ARHGEF10: variants seen among roughly 807,000 people sequenced by gnomAD.
ARHGEF10 encodes the protein Rho guanine nucleotide exchange factor (GEF) 10.
In ARHGEF10, 140 loss-of-function variants were observed where a neutral mutation model predicts 147.4. That is an observed-to-expected ratio of 0.95 (90% confidence interval 0.83 to 1.09). The LOEUF (loss-of-function observed/expected upper bound fraction) is 1.09. ARHGEF10 is among the 50% of genes least tolerant of loss of function. The pLI is 0.00. For synonymous variants in ARHGEF10, 902 were observed against 695.8 expected (o/e 1.30, Z -4.67); for missense variants, 2,222 against 1,752.7 (o/e 1.27, Z -4.78).
At chr8:1,940,751 C>T (rs1027129549) in intron 26 of ARHGEF10, among the ~76,000 whole-genome samples, 8 of 152,202 alleles carry the variant, frequency 5.3e-5, no homozygotes, top group South Asian at 2.1e-4. Flanking sequence ...AAATCAACAG[C>T]GTACTGAAAG....
intron 7 of ARHGEF10, among the ~76,000 whole-genome samples, chr8:1,874,017 C>T (rs1181994208): frequency 6.6e-6 from 1 of 152,248 alleles, no homozygotes; most frequent in Non-Finnish European, 1.5e-5. Flanking sequence ...ACAAGATTGT[C>T]ATCGAGGACA....
chr8:1,921,288 T>C (rs1812268869), intron 18 of ARHGEF10, among the ~76,000 whole-genome samples: 1 of 152,250 alleles, frequency 6.6e-6, no homozygotes, highest in African/African-American at 2.4e-5. Context: ...ATCTGAAATC[T>C]TTTTATTGGA....
chr8:1,946,668 A>G (rs1298947213), intron 27 of ARHGEF10, among the ~76,000 whole-genome samples: 1 of 152,144 alleles, frequency 6.6e-6, no homozygotes, highest in Non-Finnish European at 1.5e-5. Context: ...TTCAACATCG[A>G]AATCTGGGGA....
chr8:1,833,075 C>G (rs1475974949), intron 1 of ARHGEF10, among the ~76,000 whole-genome samples: 3 of 668 alleles, frequency 4.5e-3, no homozygotes, highest in Non-Finnish European at 4.8e-3. Context: ...GAGACAGAGG[C>G]AGAGAGACAG....
chr8:1,890,632 TGCA>T (rs1563242265), intron 11 of ARHGEF10, among the ~76,000 whole-genome samples: 1 of 149,754 alleles, frequency 6.7e-6, no homozygotes, highest in African/African-American at 2.5e-5. Flanking sequence ...AGACACTGAG[TGCA>T]GTGAGGGTTG....
intron 11 of ARHGEF10, among the ~76,000 whole-genome samples, chr8:1,893,284 A>G (rs1039670866): frequency 1.3e-5 from 2 of 152,188 alleles, no homozygotes; most frequent in African/African-American, 4.8e-5. Flanking sequence ...CTGTTAATTC[A>G]GTATATTATC....
At chr8:1,835,324 G>A (rs1437531170) in intron 1 of ARHGEF10, among the ~76,000 whole-genome samples, 7 of 152,214 alleles carry the variant, frequency 4.6e-5, no homozygotes, top group Non-Finnish European at 8.8e-5. Context: ...CTGAAACCAC[G>A]CGGCAGCCCT....
At chr8:1,940,897 C>G (rs1446963952) in intron 26 of ARHGEF10, among the ~76,000 whole-genome samples, 1 of 152,136 alleles carries the variant, frequency 6.6e-6, no homozygotes, top group Admixed American at 6.5e-5. Flanking sequence ...AATTGATGCA[C>G]AAAAAGTACT....
At chr8:1,849,207 G>C (rs1372919957) in intron 2 of ARHGEF10, among the ~76,000 whole-genome samples, 2 of 152,264 alleles carry the variant, frequency 1.3e-5, no homozygotes, top group African/African-American at 4.8e-5. Flanking sequence ...CCAGAACACA[G>C]ATGGTAAATG....
At chr8:1,853,517 C>G (rs1295216612) in intron 2 of ARHGEF10, among the ~76,000 whole-genome samples, 1 of 152,280 alleles carries the variant, frequency 6.6e-6, no homozygotes, top group Non-Finnish European at 1.5e-5. Context: ...CATCAGTGTT[C>G]TCCTTCAGCT....
At chr8:1,839,492 T>C (rs11992836) in intron 1 of ARHGEF10, among the ~76,000 whole-genome samples, 44,955 of 123,676 alleles carry the variant, frequency 0.36, 8,709 homozygotes, top group Non-Finnish European at 0.37. Flanking sequence ...GGAAACTGTC[T>C]GGTGTGGGGA....
chr8:1,871,074 C>G (rs1807074792), intron 7 of ARHGEF10: 1 of 143,314 alleles, frequency 7.0e-6, no homozygotes, highest in Non-Finnish European at 1.5e-5. Flanking sequence ...GATTGTGCCA[C>G]TGCTCTCCAG....
chr8:1,889,527 T>TTG (rs1809221781), intron 11 of ARHGEF10, among the ~76,000 whole-genome samples: 1 of 41,810 alleles, frequency 2.4e-5, no homozygotes, highest in Non-Finnish European at 3.9e-5. Context: ...GTGAGGGGTA[T>TTG]TGAGGAGACA....
At chr8:1,941,826 G>C (rs1205331787) in intron 26 of ARHGEF10, among the ~76,000 whole-genome samples, 2 of 152,170 alleles carry the variant, frequency 1.3e-5, no homozygotes, top group Non-Finnish European at 2.9e-5. Flanking sequence ...TCAACACGGT[G>C]CCAAAACTAT....
intron 13 of ARHGEF10, among the ~76,000 whole-genome samples, chr8:1,895,097 G>A (rs1018793455): frequency 1.3e-5 from 2 of 152,156 alleles, no homozygotes; most frequent in Non-Finnish European, 2.9e-5. Context: ...ACAGGCTTTC[G>A]GCCCTATGCT....
chr8:1,844,319 G>T (rs74946221), intron 2 of ARHGEF10, among the ~76,000 whole-genome samples: 17 of 54,404 alleles, frequency 3.1e-4, no homozygotes, highest in Non-Finnish European at 6.1e-4. Context: ...AAGTCAGGCT[G>T]TTCATAAGCA....
intron 10 of ARHGEF10, among the ~76,000 whole-genome samples, chr8:1,883,708 A>G (rs571808217): frequency 1.4e-3 from 214 of 152,258 alleles, no homozygotes; most frequent in African/African-American, 4.9e-3. Flanking sequence ...GTGCAGTAGT[A>G]TCATGCCCTG....
At chr8:1,929,654 T>C (rs1306830369) in intron 25 of ARHGEF10, among the ~76,000 whole-genome samples, 4 of 152,162 alleles carry the variant, frequency 2.6e-5, no homozygotes, top group African/African-American at 9.7e-5. Flanking sequence ...CAGAAGTCAG[T>C]CTGCCCGTCT....
intron 7 of ARHGEF10, chr8:1,870,865 C>T (rs1807052759): frequency 6.6e-6 from 1 of 152,196 alleles, no homozygotes; most frequent in African/African-American, 2.4e-5. Flanking sequence ...GTCATCCCAA[C>T]ACTTTGGGAG....
Sources: allele counts gnomAD v4.1 joint callset (sites outside exome capture counted in the v4.1 genomes callset), GRCh38; gene constraint gnomAD v4.1.1; transcripts MANE v1.5; gene names NCBI Gene and HGNC (gene_info 2026-07-23, HGNC 2026-07-21).